Variants in NBPF19 observed in about 807,000 individuals in gnomAD.
NBPF19 encodes NBPF member 19, also known as NBPF family member NBPF19.
A neutral mutation model predicts 45.9 loss-of-function variants in NBPF19; 30 were observed. The ratio of observed to expected loss-of-function variants is 0.65; its 90% CI spans 0.49 to 0.89. The LOEUF (loss-of-function observed/expected upper bound fraction) is 0.89. NBPF19 is among the 40% of genes least tolerant of loss of function. The pLI, the probability that NBPF19 is intolerant of heterozygous loss-of-function variation, is 0.00. For synonymous variants in NBPF19, 183 were observed against 181.2 expected (o/e 1.01, Z -0.08); for missense variants, 495 against 471.8 (o/e 1.05, Z -0.46).
chr1:149,479,773 A>G (rs1201205033), intron 4 of NBPF19, among the ~76,000 whole-genome samples: 2 of 150,804 alleles, frequency 1.3e-5, no homozygotes, highest in East Asian at 3.9e-4. Flanking sequence ...CTCTCCTAAG[A>G]GAAAGAATGA....
chr1:149,516,339 CTCTCTG>C (rs2086489885), intron 45 of NBPF19, among the ~76,000 whole-genome samples: 2 of 121,164 alleles, frequency 1.7e-5, no homozygotes, highest in Non-Finnish European at 3.6e-5. Context: ...CTCTGTCTCT[CTCTCTG>C]TCTCTGTCTC....
Position 149,554,575 on chromosome 1 carries a change from T to G in NBPF19, c.11369T>G (p.Met3790Arg), listed in dbSNP as rs2087197933. The G allele has an allele frequency of 5.6e-6, 9 of 1,608,314 alleles. 1 individual carries two copies. The highest frequency in any genetic ancestry group is 7.6e-6 in the Non-Finnish European group (9 of 1,176,784). ...GATGGATGTTATTCGACTCCGTCAA[T>G]GTACTTTGAACTACCTGACTCATTC... is the stretch of plus-strand genomic sequence containing the variant. The part of the protein sequence containing the change: ...SLDGCYSTPS[M>R]YFELPDSFQH... Residue 3790 changes from methionine (M) to arginine (R), a missense_variant, in exon 94 of 94, where the codon ATG (methionine) becomes AGG (arginine). This residue lies in a region of NBPF19 where 248 missense variants were observed against 95.4 expected (regional missense o/e 2.60). Coordinates refer to ENST00000651566, the MANE Select transcript of NBPF19 (RefSeq NM_001351365.2).
intron 8 of NBPF19, among the ~76,000 whole-genome samples, 195 bp downstream of exon 8, chr1:149,486,488 C>G (rs1284891664): frequency 7.3e-5 from 11 of 151,112 alleles, no homozygotes; most frequent in African/African-American, 2.4e-4. Context: ...GAGCTTTACT[C>G]TCTTCCTAGT....
rs1269310381 is a variant in NBPF19, at chr1:149,475,552, G to A, written c.-279G>A. The A allele has an allele frequency of 1.3e-6, 1 of 795,080 alleles. No individual in the cohort carries two copies. The highest frequency in any genetic ancestry group is 2.0e-6 in the Non-Finnish European group (1 of 505,518). 49.3% of individuals were successfully genotyped at this position (795,080 alleles called of 1,614,324 possible). On this transcript the variant is annotated 5_prime_UTR_variant, in exon 1 of 94. The change creates a new upstream start codon in the 5' untranslated region. Transcript: ENST00000651566. ...ACCCTCAGGTGAAAGTAGGGTGCCTGTGTTTCAGCAAAGCCTGGGCAATTG... is the reference window on the plus strand; with the variant it reads ...ACCCTCAGGTGAAAGTAGGGTGCCTATGTTTCAGCAAAGCCTGGGCAATTG...
intron 9 of NBPF19, among the ~76,000 whole-genome samples, chr1:149,487,730 G>A (rs1176518619): frequency 1.3e-5 from 2 of 149,054 alleles, no homozygotes; most frequent in Non-Finnish European, 3.0e-5. Context: ...AGTGTCCTTT[G>A]ACTCCCTCAT....
intron 8 of NBPF19, among the ~76,000 whole-genome samples, chr1:149,486,598 G>C (rs1204117798): frequency 6.6e-6 from 1 of 151,330 alleles, no homozygotes; most frequent in Non-Finnish European, 1.5e-5. Flanking sequence ...ATGCCCAGGA[G>C]TTGTCTGTCA....
intron 2 of NBPF19, among the ~76,000 whole-genome samples, chr1:149,476,931 C>CA: frequency 6.7e-6 from 1 of 149,652 alleles, no homozygotes; most frequent in Non-Finnish European, 1.5e-5. Context: ...CAAGACTCGT[C>CA]AAAAAACAAA....
At chr1:149,478,268 T>C (rs2084965179) in intron 3 of NBPF19, among the ~76,000 whole-genome samples, 1 of 151,172 alleles carries the variant, frequency 6.6e-6, no homozygotes, top group Admixed American at 6.6e-5. Flanking sequence ...TTCAAACAAG[T>C]AATTGTTGAG....
intron 93 of NBPF19, 91 bp from the exon 94 acceptor site, chr1:149,554,404 A>G (rs2087175693): frequency 2.5e-6 from 4 of 1,602,564 alleles, no homozygotes; most frequent in South Asian, 2.2e-5. Context: ...TTCTTTTCTA[A>G]CCACTTCCTT....
chr1:149,477,614 A>G (rs2084919251), intron 2 of NBPF19, among the ~76,000 whole-genome samples: 1 of 151,420 alleles, frequency 6.6e-6, no homozygotes, highest in Admixed American at 6.6e-5. Flanking sequence ...GCAGTGTTTT[A>G]GAGGAGAGGC....
intron 13 of NBPF19, among the ~76,000 whole-genome samples, chr1:149,490,911 T>C (rs2085828072): frequency 1.5e-5 from 2 of 133,282 alleles, no homozygotes; most frequent in Non-Finnish European, 3.2e-5. Flanking sequence ...TGTGTGTGTG[T>C]GTGTGTGTGC....
chr1:149,521,063 A>T (rs1420229556), intron 51 of NBPF19, among the ~76,000 whole-genome samples: 1 of 71,306 alleles, frequency 1.4e-5, no homozygotes, highest in African/African-American at 5.7e-5. Context: ...TCACTAGGTC[A>T]CTTTCTCTCT....
Position 149,477,870 on chromosome 1 carries a change from C to G in NBPF19, c.176-75C>G, listed in dbSNP as rs1421176438. 5.0e-6 allele frequency: 4 copies of G among 800,918 alleles called. 1 individual carries two copies. Among genetic ancestry groups the G allele is most frequent in the Non-Finnish European group, 8.6e-6 (4 of 465,348 alleles). 49.6% of individuals were successfully genotyped at this position (800,918 alleles called of 1,614,324 possible). On this transcript the variant is annotated intron_variant, in intron 2 of 93. Coordinates refer to ENST00000651566, the MANE Select transcript of NBPF19 (RefSeq NM_001351365.2). ...AGTTTTGTCCTTGGGATGGACCTGG[C>G]TCCTGCCCTGTAGGCAGTGACCACA...
intron 9 of NBPF19, among the ~76,000 whole-genome samples, chr1:149,487,594 A>C (rs1467645504): frequency 6.6e-6 from 1 of 150,786 alleles, no homozygotes; most frequent in African/African-American, 2.4e-5. Flanking sequence ...GTGAAAGTTG[A>C]CCATACCTCA....
In NBPF19 at chr1:149,488,281, T is replaced by C. The variant is rs1474227466; in HGVS notation, c.1213+96T>C. On this transcript the variant is annotated intron_variant, in intron 10 of 93. Transcript: ENST00000651566. ...GTGGCCCTTACTGAGCTGAGAGATG[T>C]CATTGCCACAGGGAGGACCTATAGG... The C allele has an allele frequency of 3.5e-6, 2 of 570,718 alleles. 1 individual carries two copies. The highest frequency in any genetic ancestry group is 6.1e-6 in the Non-Finnish European group (2 of 325,818). The allele number at this position is 570,718 out of a possible 1,614,324, so 35.4% of individuals were successfully genotyped here. A position where few individuals can be genotyped will look rare whatever the true frequency, so the allele number is the denominator to read the frequency against.
At position 149,478,278 on chromosome 1, in the gene NBPF19, G is replaced by T. The variant is rs1436653467; in HGVS notation, c.278+231G>T. Among the ~76,000 whole-genome samples, 568 of 151,132 alleles carry T rather than the reference G, an allele frequency of 3.8e-3. 17 individuals carry two copies. The highest frequency in any genetic ancestry group is 0.024 in the Middle Eastern group (7 of 288). ...TCTTTTTCAAACAAGTAATTGTTGA[G>T]GTGAAATTTACATAACACAAAATTC... On this transcript the variant is annotated intron_variant, in intron 3 of 93. Coordinates refer to ENST00000651566, the MANE Select transcript of NBPF19 (RefSeq NM_001351365.2).
intron 9 of NBPF19, 131 bp downstream of exon 9, chr1:149,487,514 G>A: frequency 1.0e-6 from 1 of 993,378 alleles, no homozygotes. Context: ...CTAATACATT[G>A]CTTTTTTGTT....
chr1:149,488,478 C>T (rs1229545992), intron 10 of NBPF19, among the ~76,000 whole-genome samples: 1 of 126,006 alleles, frequency 7.9e-6, no homozygotes, highest in Admixed American at 8.4e-5. Context: ...GATTTTGTCT[C>T]AATTTTGTAG....
rs1230152496 is a variant in NBPF19, at chr1:149,488,364, C to G, written c.1213+179C>G. 4.8e-4 allele frequency among the ~76,000 whole-genome samples: 68 copies of G among 142,426 alleles called. 6 individuals are homozygous for G. The highest frequency in any genetic ancestry group is 8.6e-4 in the Non-Finnish European group (57 of 65,940). The allele number at this position is 142,426 out of a possible 152,430, so 93.4% of individuals were successfully genotyped here. A position where few individuals can be genotyped will look rare whatever the true frequency, so the allele number is the denominator to read the frequency against. ...TTGGCAGCCCAGACAAGGGATGGTTCAGTGAGCAAGGCTCTCTTCCTAGTC... is the reference window on the plus strand; with the variant it reads ...TTGGCAGCCCAGACAAGGGATGGTTGAGTGAGCAAGGCTCTCTTCCTAGTC... On this transcript the variant is annotated intron_variant, in intron 10 of 93. Coordinates refer to ENST00000651566, the MANE Select transcript of NBPF19 (RefSeq NM_001351365.2).
Sources: allele counts gnomAD v4.1 joint callset (sites outside exome capture counted in the v4.1 genomes callset), GRCh38; gene constraint gnomAD v4.1.1; regional missense constraint gnomAD v4.1.1; transcripts MANE v1.5; gene names NCBI Gene and HGNC (gene_info 2026-07-23, HGNC 2026-07-21).